The following CTH variants were observed in gnomAD, a reference collection of about 807,000 sequenced individuals.
The protein encoded by CTH is cystathionase (cystathionine gamma-lyase).
A neutral mutation model predicts 50.6 loss-of-function variants in CTH; 41 were observed. The ratio of observed to expected loss-of-function variants is 0.81; its 90% CI spans 0.63 to 1.05. The LOEUF (loss-of-function observed/expected upper bound fraction) is 1.05, where lower values mean the gene tolerates loss of function less well. Ranked by LOEUF, CTH falls within the 50% of genes least tolerant of loss-of-function variation. The pLI, the probability that CTH is intolerant of heterozygous loss-of-function variation, is 0.00. For missense variants in CTH, 470 were observed against 492.6 expected (o/e 0.95, Z 0.43); for synonymous variants, 156 against 168.9 (o/e 0.92, Z 0.59).
chr1:70,413,006 G>A (rs1684004218), intron 1 of CTH, among the ~76,000 whole-genome samples: 1 of 151,882 alleles, frequency 6.6e-6, no homozygotes, highest in African/African-American at 2.4e-5. Context: ...CCCCCTTTTG[G>A]TGGCATACTT....
chr1:70,433,599 A>G (rs1393131672), intron 8 of CTH, among the ~76,000 whole-genome samples: 2 of 152,152 alleles, frequency 1.3e-5, no homozygotes, highest in Non-Finnish European at 2.9e-5. Context: ...TCCTGAGATG[A>G]AAGGGAGTGC....
Position 70,438,696 on chromosome 1 carries a change from T to G in CTH, c.1061T>G (p.Met354Arg). 1 of 1,614,116 alleles carries G rather than the reference T, an allele frequency of 6.2e-7. No homozygotes were observed. ...CTCATGTCTTCTTTCAGGGCAATCA[T>G]GACTCATGCATCAGTTCTTAAGAAT... Reference protein sequence around the residue: ...FESLAELPAIMTHASVLKNDR... With the variant: ...FESLAELPAIRTHASVLKNDR... The change falls in exon 11 of 12, where the codon ATG (methionine) becomes AGG (arginine). Residue 354 changes from methionine (M) to arginine (R), a missense_variant. By Grantham distance (91) the Met-to-Arg change is moderately conservative. Coordinates refer to ENST00000370938, the MANE Select transcript of CTH (RefSeq NM_001902.6).
rs1268510088 is a variant in CTH at position 70,411,286 on chromosome 1, C to T, written c.-130C>T. The T allele has an allele frequency of 5.6e-6, 5 of 899,272 alleles. No individual in the cohort carries two copies. The East Asian group carries it at 7.2e-5, about 13-fold the overall frequency. 55.7% of individuals were successfully genotyped at this position (899,272 alleles called of 1,614,324 possible). A position where few individuals can be genotyped will look rare whatever the true frequency, so the allele number is the denominator to read the frequency against. On this transcript the variant is annotated 5_prime_UTR_variant, in exon 1 of 12. Coordinates refer to ENST00000370938, the MANE Select transcript of CTH (RefSeq NM_001902.6). ...GCTGTGTGCCGCTTTAGTGCGCTCGCCGTCGGCTCTACCTGCGTGCTTTAG... is the reference window on the plus strand; with the variant it reads ...GCTGTGTGCCGCTTTAGTGCGCTCGTCGTCGGCTCTACCTGCGTGCTTTAG...
At chr1:70,434,014 A>G in intron 9 of CTH, 65 bp downstream of exon 9, 1 of 1,604,198 alleles carries the variant, frequency 6.2e-7, no homozygotes, top group Non-Finnish European at 8.5e-7. Context: ...ACTATCTCTC[A>G]CTTCTACTCA....
intron 3 of CTH, among the ~76,000 whole-genome samples, chr1:70,418,767 C>T (rs1684150740): frequency 6.6e-6 from 1 of 151,992 alleles, no homozygotes; most frequent in Admixed American, 6.6e-5. Flanking sequence ...TTTTGTTTGG[C>T]ACCAGGGAAA....
intron 10 of CTH, among the ~76,000 whole-genome samples, chr1:70,436,108 C>A (rs538124745): frequency 1.2e-3 from 189 of 151,826 alleles, no homozygotes; most frequent in African/African-American, 4.4e-3. Flanking sequence ...GTCAGGAGTT[C>A]AAGACCAGCC....
At chr1:70,418,860 T>C (rs1684152460) in intron 3 of CTH, among the ~76,000 whole-genome samples, 1 of 152,120 alleles carries the variant, frequency 6.6e-6, no homozygotes, top group African/African-American at 2.4e-5. Context: ...GCATTTTAAT[T>C]TTAGGGGTCT....
In CTH at chr1:70,430,388, C is replaced by A; in HGVS notation, c.718C>A (p.Gln240Lys). The change falls in exon 7 of 12, where the codon CAA becomes AAA. Residue 240 changes from glutamine to lysine, a missense_variant. Gln to Lys is a moderately conservative substitution (Grantham distance 53). Transcript: ENST00000370938. ...ESLHNRLRFL[Q>K]NSLGAVPSPI... ...CCTTCATAATAGACTTCGTTTCTTG[C>A]AAAACTGTAAGTATTAAAAAGTGCA... 6.5e-7 allele frequency: 1 copy of A among 1,545,396 alleles called. No individual in the cohort carries two copies. The highest frequency in any genetic ancestry group is 8.9e-7 in the Non-Finnish European group (1 of 1,117,570).
At chr1:70,427,711 TTTG>T (rs1383974514) in intron 5 of CTH, among the ~76,000 whole-genome samples, 1 of 152,038 alleles carries the variant, frequency 6.6e-6, no homozygotes, top group East Asian at 1.9e-4. Flanking sequence ...AATGTATGTT[TTTG>T]TTTGTTTGTT....
At chr1:70,435,097 A>T in intron 9 of CTH, 28 bp from the exon 10 acceptor site, 4 of 1,544,234 alleles carry the variant, frequency 2.6e-6, no homozygotes, top group Non-Finnish European at 3.6e-6. Context: ...TTACTAGAAA[A>T]TCTAAATTCA....
At chr1:70,430,157 C>T (rs1360357603) in intron 6 of CTH, among the ~76,000 whole-genome samples, 160 bp from the exon 7 acceptor site, 1 of 152,162 alleles carries the variant, frequency 6.6e-6, no homozygotes, top group African/African-American at 2.4e-5. Flanking sequence ...GCTTTTGCTA[C>T]TGTCCAGTTG....
intron 5 of CTH, among the ~76,000 whole-genome samples, chr1:70,426,190 T>C (rs1684342818): frequency 6.6e-6 from 1 of 152,188 alleles, no homozygotes; most frequent in Non-Finnish European, 1.5e-5. Flanking sequence ...TGTAGATCAC[T>C]TTGGGATCTC....
At chr1:70,435,229 T>A (rs757792725) in intron 10 of CTH, 52 bp downstream of exon 10, 10 of 1,496,422 alleles carry the variant, frequency 6.7e-6, no homozygotes, top group South Asian at 1.2e-5. Context: ...TCAGCTTTAA[T>A]GATTGGGAAA....
intron 3 of CTH, among the ~76,000 whole-genome samples, chr1:70,420,473 T>A (rs1684190611): frequency 1.3e-5 from 2 of 152,130 alleles, no homozygotes; most frequent in Admixed American, 1.3e-4. Context: ...CCATGAGCAA[T>A]TCACAGTAGG....
chr1:70,413,543 T>A (rs979499948), intron 1 of CTH, among the ~76,000 whole-genome samples: 4 of 151,200 alleles, frequency 2.6e-5, no homozygotes, highest in African/African-American at 9.7e-5. Flanking sequence ...GGATTACAGG[T>A]GTGAGCCACG....
chr1:70,433,882 C>T lies in CTH; in HGVS notation c.932C>T (p.Thr311Ile). ...ELVKRQCTGCTGMVTFYIKGT... is the reference protein window; with the variant it reads ...ELVKRQCTGCIGMVTFYIKGT... ...GTGAAGCGTCAGTGTACAGGTTGTA[C>T]AGGGATGGTCACCTTTTATATTAAG... The change falls in exon 9 of 12, where the codon ACA becomes ATA. Residue 311 changes from threonine (T) to isoleucine (I), a missense_variant. Thr to Ile is a moderately conservative substitution (Grantham distance 89). Coordinates refer to ENST00000370938, the MANE Select transcript of CTH (RefSeq NM_001902.6). 2 of 1,614,032 alleles carry T rather than the reference C, an allele frequency of 1.2e-6. No individual in the cohort carries two copies. The highest frequency in any genetic ancestry group is 8.5e-7 in the Non-Finnish European group (1 of 1,179,976).
At chr1:70,439,018 A>G in intron 11 of CTH, 83 bp from the exon 12 acceptor site, 1 of 1,530,388 alleles carries the variant, frequency 6.5e-7, no homozygotes, top group Non-Finnish European at 9.1e-7. Flanking sequence ...GGATGGTAGT[A>G]TTCAGAAAAA....
chr1:70,430,483 C>T, intron 7 of CTH, 89 bp downstream of exon 7: 1 of 713,518 alleles, frequency 1.4e-6, no homozygotes, highest in Admixed American at 2.1e-5. Context: ...GAAGTGATGG[C>T]ATTCTAATAA....
rs544773981 is a variant in CTH, at chr1:70,438,796, G to A, written c.1161G>A (p.Leu387=). The change falls in exon 11 of 12, where the codon CTG becomes CTA. Residue 387 remains leucine (L), a synonymous_variant. Coordinates refer to ENST00000370938, the MANE Select transcript of CTH (RefSeq NM_001902.6). ...GCTTAGAGGATGAGGAAGACCTACT[G>A]GAAGATCTAGATCAAGCTTTGAAGG... ...SVGLEDEEDL[L]EDLDQALKAA... 9.9e-6 allele frequency: 16 copies of A among 1,613,500 alleles called. No individual in the cohort carries two copies. The South Asian group carries it at 1.5e-4, about 16-fold the overall frequency.
Sources: allele counts gnomAD v4.1 joint callset (sites outside exome capture counted in the v4.1 genomes callset), GRCh38; gene constraint gnomAD v4.1.1; transcripts MANE v1.5; gene names NCBI Gene and HGNC (gene_info 2026-07-23, HGNC 2026-07-21).